The following GIGYF2 variants were observed in gnomAD, a reference collection of about 807,000 sequenced individuals.
GIGYF2 encodes the protein GRB10-interacting GYF protein 2.
In GIGYF2, 25 loss-of-function variants were observed where a neutral mutation model predicts 208.1. The ratio of observed to expected loss-of-function variants is 0.12; its 90% CI spans 0.09 to 0.17. GIGYF2 has a LOEUF of 0.17. Ranked by LOEUF, GIGYF2 falls within the 10% of genes least tolerant of loss-of-function variation. GIGYF2 has a pLI of 1.00. For synonymous variants in GIGYF2, 534 were observed against 543.8 expected (o/e 0.98, Z 0.25); for missense variants, 1,302 against 1,579.4 (o/e 0.82, Z 2.98).
chr2:232,736,522 A>G (rs1239141001), intron 3 of GIGYF2: 1 of 152,146 alleles, frequency 6.6e-6, no homozygotes, highest in Non-Finnish European at 1.5e-5. Flanking sequence ...TTTTTAATCA[A>G]TAAATATTTT....
intron 9 of GIGYF2, chr2:232,788,318 G>A (rs1699977727): frequency 5.6e-6 from 1 of 177,268 alleles, no homozygotes; most frequent in Admixed American, 6.0e-5. Flanking sequence ...GGTAGAGTTA[G>A]GATGGTTTTA....
chr2:232,753,096 A>AGTAT lies in GIGYF2; in HGVS notation c.268-3126_268-3123dup, dbSNP rs199781740. On this transcript the variant is annotated intron_variant, in intron 5 of 28. Coordinates refer to ENST00000373563, the MANE Select transcript of GIGYF2 (RefSeq NM_001103146.3). ...CTGTGCACACAGTTCTACACTTGAC[A>AGTAT]GTATTTATTTATTTATTTATTTATT... is the stretch of plus-strand genomic sequence containing the variant. Among the ~76,000 whole-genome samples the AGTAT allele has an allele frequency of 4.9e-3, 656 of 134,704 alleles. 1 individual carries two copies. Among genetic ancestry groups the AGTAT allele is most frequent in the Admixed American group, 8.5e-3 (115 of 13,508 alleles). 88.4% of individuals were successfully genotyped at this position (134,704 alleles called of 152,430 possible).
chr2:232,768,871 T>C, intron 8 of GIGYF2: 1 of 1,433,014 alleles, frequency 7.0e-7, no homozygotes, highest in Non-Finnish European at 9.6e-7. Context: ...TCAATACTTT[T>C]TCTGAATGAC....
Position 232,806,418 on chromosome 2 carries a change from C to A in GIGYF2, c.1640-73C>A. 1 of 1,028,388 alleles carries A rather than the reference C, an allele frequency of 9.7e-7. No individual in the cohort carries two copies. The highest frequency in any genetic ancestry group is 1.5e-6 in the Non-Finnish European group (1 of 645,678). 63.7% of individuals were successfully genotyped at this position (1,028,388 alleles called of 1,614,324 possible). A position where few individuals can be genotyped will look rare whatever the true frequency, so the allele number is the denominator to read the frequency against. Reference sequence around the variant, plus strand: ...ATGCCACCTCGATGAGAATCAGATGCAGGAAATATTTTTTTTCTCTTTGAG... The same window carrying A: ...ATGCCACCTCGATGAGAATCAGATGAAGGAAATATTTTTTTTCTCTTTGAG... On this transcript the variant is annotated intron_variant, in intron 14 of 28. Coordinates refer to ENST00000373563, the MANE Select transcript of GIGYF2 (RefSeq NM_001103146.3). This position sits in a 1 kb window ranked among gnomAD's most constrained non-coding sequence, Gnocchi z 4.0.
chr2:232,770,839 CA>C, intron 8 of GIGYF2: 1 of 1,133,100 alleles, frequency 8.8e-7, no homozygotes, highest in African/African-American at 1.5e-5. Context: ...CCTTTCCAAA[CA>C]CCTGTAGTTT....
At chr2:232,730,157 C>T (rs1214935638) in intron 2 of GIGYF2, 9 of 1,503,882 alleles carry the variant, frequency 6.0e-6, no homozygotes, top group Non-Finnish European at 8.3e-6. Context: ...AATTGTTGAG[C>T]ACCTGGAGGC....
chr2:232,839,875 G>A lies in GIGYF2; in HGVS notation c.2793G>A (p.Gln931=). 8 of 1,614,044 alleles carry A rather than the reference G, an allele frequency of 5.0e-6. No individual in the cohort carries two copies. The highest frequency in any genetic ancestry group is 6.8e-6 in the Non-Finnish European group (8 of 1,179,886). Residue 931 remains glutamine, a synonymous_variant, in exon 23 of 29, where the codon CAG becomes CAA. Transcript: ENST00000373563. ...TTCCTTCTTCTTCAACGTGGGGCCA[G>A]CAGTCCAATACAACAGCATGTCAGT... The part of the protein sequence containing the change: ...MKLPSSSTWG[Q]QSNTTACQSQ...
chr2:232,728,423 G>T (rs532216600), intron 2 of GIGYF2, among the ~76,000 whole-genome samples: 1 of 152,124 alleles, frequency 6.6e-6, no homozygotes, highest in Admixed American at 6.5e-5. Flanking sequence ...AATAGAGTTT[G>T]GACTATAATG....
intron 2 of GIGYF2, among the ~76,000 whole-genome samples, chr2:232,716,955 A>C (rs1463088351): frequency 1.3e-5 from 2 of 149,020 alleles, no homozygotes; most frequent in African/African-American, 4.9e-5. Flanking sequence ...ACAGGCTAGC[A>C]CCACCACACC....
chr2:232,736,117 G>C, intron 3 of GIGYF2: 1 of 962,612 alleles, frequency 1.0e-6, no homozygotes, highest in Non-Finnish European at 1.2e-6. Context: ...ATGTAATCTC[G>C]AAGTTTTCTT....
chr2:232,744,565 G>T (rs1698080583), intron 3 of GIGYF2, among the ~76,000 whole-genome samples: 1 of 150,136 alleles, frequency 6.7e-6, no homozygotes, highest in Non-Finnish European at 1.5e-5. Flanking sequence ...TTTGAGACAG[G>T]GTCTTGCTTT....
intron 9 of GIGYF2, among the ~76,000 whole-genome samples, chr2:232,787,731 G>T (rs113223856): frequency 6.6e-6 from 1 of 152,110 alleles, no homozygotes; most frequent in South Asian, 2.1e-4. Context: ...TAACAAGAAA[G>T]GGTTTATTCT....
intron 5 of GIGYF2, among the ~76,000 whole-genome samples, chr2:232,754,459 A>G (rs547163437): frequency 6.6e-6 from 1 of 152,334 alleles, no homozygotes; most frequent in South Asian, 2.1e-4. Context: ...TCAGCAATGT[A>G]TGAGAGTTTG....
At chr2:232,718,336 C>T (rs920001530) in intron 2 of GIGYF2, among the ~76,000 whole-genome samples, 2 of 152,090 alleles carry the variant, frequency 1.3e-5, no homozygotes, top group African/African-American at 2.4e-5. Context: ...TGACCTCACG[C>T]GATCCACTCA....
intron 8 of GIGYF2, among the ~76,000 whole-genome samples, chr2:232,781,281 C>T (rs911811618): frequency 7.7e-6 from 1 of 129,320 alleles, no homozygotes; most frequent in African/African-American, 3.1e-5. Context: ...TAAATTATAT[C>T]AGGAATACAC....
Position 232,778,793 on chromosome 2 carries a change from G to A in GIGYF2, c.533-8357G>A, listed in dbSNP as rs575071834. Reference sequence around the variant, plus strand: ...ATTGACAAGCTGTGGGAAAATGAGGGGAGGAAATGTATGATGAACAAAAGT... The same window carrying A: ...ATTGACAAGCTGTGGGAAAATGAGGAGAGGAAATGTATGATGAACAAAAGT... On this transcript the variant is annotated intron_variant, in intron 8 of 28. Coordinates refer to ENST00000373563, the MANE Select transcript of GIGYF2 (RefSeq NM_001103146.3). Among the ~76,000 whole-genome samples, 15 of 152,176 alleles carry A rather than the reference G, an allele frequency of 9.9e-5. 1 individual carries two copies. Among genetic ancestry groups the A allele is most frequent in the South Asian group, 4.2e-4 (2 of 4,812 alleles).
chr2:232,783,640 A>AAT (rs1348495153), intron 8 of GIGYF2, among the ~76,000 whole-genome samples: 10 of 147,982 alleles, frequency 6.8e-5, no homozygotes, highest in African/African-American at 2.5e-4. Flanking sequence ...ATTTACACAA[A>AAT]ATAATTTCTT....
In GIGYF2 at chr2:232,845,773, A is replaced by T. The variant is rs200196994; in HGVS notation, c.3347A>T (p.Glu1116Val). ...TCTAACCGGCAGAATAAGAAAGTAG[A>T]AGAAGAAGAAAAGTTGCTGAAGCTC... ...GVSNRQNKKVEEEEKLLKLFQ... is the reference protein window; with the variant it reads ...GVSNRQNKKVVEEEKLLKLFQ... Residue 1116 changes from glutamate to valine, a missense_variant, in exon 26 of 29, where the codon GAA becomes GTA. Glu to Val is a moderately radical substitution (Grantham distance 121). Coordinates refer to ENST00000373563, the MANE Select transcript of GIGYF2 (RefSeq NM_001103146.3). 134 of 1,607,070 alleles carry T rather than the reference A, an allele frequency of 8.3e-5. No homozygotes were observed. Among genetic ancestry groups the T allele is most frequent in the Admixed American group, 2.0e-4 (12 of 59,994 alleles).
intron 22 of GIGYF2, among the ~76,000 whole-genome samples, chr2:232,834,045 C>G (rs1484952654): frequency 2.0e-5 from 3 of 151,910 alleles, no homozygotes; most frequent in African/African-American, 7.3e-5. Context: ...AAGGCAGAAG[C>G]TGGGGTGCCT....
Sources: allele counts gnomAD v4.1 joint callset (sites outside exome capture counted in the v4.1 genomes callset), GRCh38; gene constraint gnomAD v4.1.1; non-coding constraint Gnocchi (gnomAD v3.1); transcripts MANE v1.5; gene names NCBI Gene and HGNC (gene_info 2026-07-23, HGNC 2026-07-21).